Variants in SNX30 observed in about 807,000 individuals in gnomAD.
SNX30 encodes the protein sorting nexin-30.
A neutral mutation model predicts 46.4 loss-of-function variants in SNX30; 24 were observed. The ratio of observed to expected loss-of-function variants is 0.52; its 90% CI spans 0.37 to 0.73. SNX30 has a LOEUF of 0.73. Among genes scored for constraint, SNX30 ranks in the 30% least tolerant of loss-of-function variants. SNX30 has a pLI of 0.00. For missense variants in SNX30, 533 were observed against 555.7 expected, an observed-to-expected ratio of 0.96 and a Z score of 0.41; for synonymous variants, 189 against 211.5, an observed-to-expected ratio of 0.89 and a Z score of 0.92.
intron 2 of SNX30, among the ~76,000 whole-genome samples, chr9:112,808,964 A>G (rs1281989040): frequency 1.3e-5 from 2 of 152,242 alleles, no homozygotes; most frequent in Admixed American, 6.5e-5. Context: ...TGAGAGACAG[A>G]GATGTTAAGA....
chr9:112,835,507 G>A (rs1840738679), intron 4 of SNX30, among the ~76,000 whole-genome samples: 1 of 150,170 alleles, frequency 6.7e-6, no homozygotes, highest in Non-Finnish European at 1.5e-5. Context: ...AGTAGAGACA[G>A]GGTTTCACCA....
At chr9:112,844,938 A>G (rs1011001593) in intron 6 of SNX30, among the ~76,000 whole-genome samples, 16 of 152,236 alleles carry the variant, frequency 1.1e-4, no homozygotes, top group African/African-American at 3.9e-4. Context: ...TGCCTTTCCA[A>G]AACTGAAATG....
At position 112,830,781 on chromosome 9, in the gene SNX30, T is replaced by G; in HGVS notation, c.516T>G (p.Phe172Leu). ...TTGTGGATCGTTTTTCAGAAGAGTT[T>G]GTGGAGACCAGAAGAAAAGCTTTGG... is the stretch of plus-strand genomic sequence containing the variant. ...KGVVDRFSEE[F>L]VETRRKALDK... The change falls in exon 4 of 9, where the codon TTT (phenylalanine) becomes TTG (leucine). Residue 172 changes from phenylalanine to leucine, a missense_variant. This residue lies in a region of SNX30 where 81 missense variants were observed against 124.4 expected (regional missense o/e 0.65). Transcript: ENST00000374232. The G allele has an allele frequency of 1.2e-6, 2 of 1,614,098 alleles. No homozygotes were observed. Among genetic ancestry groups the G allele is most frequent in the Non-Finnish European group, 1.7e-6 (2 of 1,179,986 alleles).
At chr9:112,864,185 A>G in intron 7 of SNX30, 62 bp from the exon 8 acceptor site, 1 of 1,553,210 alleles carries the variant, frequency 6.4e-7, no homozygotes, top group Non-Finnish European at 8.9e-7. Flanking sequence ...TGCTCAGAGG[A>G]GCTCAAGGCA....
chr9:112,838,028 C>T (rs1023256788), intron 5 of SNX30, among the ~76,000 whole-genome samples: 2 of 151,082 alleles, frequency 1.3e-5, no homozygotes, highest in South Asian at 4.2e-4. Context: ...GTAGTTGGGA[C>T]TATAGGCGCC....
intron 6 of SNX30, among the ~76,000 whole-genome samples, chr9:112,842,005 A>T (rs1840867731): frequency 6.6e-6 from 1 of 152,126 alleles, no homozygotes; most frequent in African/African-American, 2.4e-5. Context: ...GTGCAGTGGC[A>T]CGATCTTGGC....
At chr9:112,756,833 C>T (rs1027588992) in intron 1 of SNX30, among the ~76,000 whole-genome samples, 1 of 152,190 alleles carries the variant, frequency 6.6e-6, no homozygotes, top group African/African-American at 2.4e-5. Context: ...AGAAGCATTC[C>T]AGCTCTGAAA....
chr9:112,767,136 TG>T (rs1285885193), intron 1 of SNX30, among the ~76,000 whole-genome samples: 2 of 151,300 alleles, frequency 1.3e-5, no homozygotes, highest in African/African-American at 4.9e-5. Flanking sequence ...TTTTTTTTTT[TG>T]ATAGTAGTTA....
Position 112,809,655 on chromosome 9 carries a change from G to T in SNX30, c.348+4688G>T, listed in dbSNP as rs571639167. Among the ~76,000 whole-genome samples the T allele has an allele frequency of 8.2e-4, 125 of 152,252 alleles. 1 individual carries two copies. The highest frequency in any genetic ancestry group is 2.8e-3 in the African/African-American group (118 of 41,556). On this transcript the variant is annotated intron_variant, in intron 2 of 8. Coordinates refer to ENST00000374232, the MANE Select transcript of SNX30 (RefSeq NM_001012994.2). ...AACAGAGTCTAAATGCTGCTCCGAGGCTGAATTATGTACAATGCAAAGTGG... is the reference window on the plus strand; with the variant it reads ...AACAGAGTCTAAATGCTGCTCCGAGTCTGAATTATGTACAATGCAAAGTGG...
At chr9:112,774,047 A>G (rs1839697819) in intron 1 of SNX30, among the ~76,000 whole-genome samples, 1 of 152,240 alleles carries the variant, frequency 6.6e-6, no homozygotes, top group Non-Finnish European at 1.5e-5. Context: ...CCCAGAGGAA[A>G]TGGATGAGAG....
intron 2 of SNX30, among the ~76,000 whole-genome samples, chr9:112,809,808 A>G (rs540899647): frequency 2.0e-5 from 3 of 152,080 alleles, no homozygotes; most frequent in South Asian, 2.1e-4. Flanking sequence ...AATTCTGGCA[A>G]TGAAAACAAG....
chr9:112,855,280 C>T (rs746649671), intron 7 of SNX30, among the ~76,000 whole-genome samples: 1 of 152,024 alleles, frequency 6.6e-6, no homozygotes, highest in African/African-American at 2.4e-5. Context: ...CCCAGGGCCT[C>T]GGCTAGGTCT....
rs372212819 is a variant in SNX30, at chr9:112,766,053, C to T, written c.156+14896C>T. ...TCCTGACCTCGTAATCCACCTGCCT[C>T]GGCCTCCCAAAGTGCTGGGATTACG... On this transcript the variant is annotated intron_variant, in intron 1 of 8. Coordinates refer to ENST00000374232, the MANE Select transcript of SNX30 (RefSeq NM_001012994.2). 1.3e-4 allele frequency among the ~76,000 whole-genome samples: 20 copies of T among 152,182 alleles called. No homozygotes were observed. The East Asian group carries it at 3.5e-3, about 26-fold the overall frequency.
At chr9:112,793,937 G>A (rs1444726608) in intron 1 of SNX30, among the ~76,000 whole-genome samples, 1 of 151,804 alleles carries the variant, frequency 6.6e-6, no homozygotes, top group Non-Finnish European at 1.5e-5. Context: ...AAACAAGTGT[G>A]TCACATTACA....
chr9:112,847,161 T>C (rs569173582), intron 6 of SNX30, among the ~76,000 whole-genome samples: 19 of 152,244 alleles, frequency 1.2e-4, no homozygotes, highest in East Asian at 5.8e-4. Context: ...ATGACAGATA[T>C]TGTGTTTCTA....
intron 1 of SNX30, among the ~76,000 whole-genome samples, chr9:112,798,107 G>GTT (rs58014041): frequency 4.7e-4 from 38 of 81,024 alleles, no homozygotes; most frequent in African/African-American, 5.7e-4. Flanking sequence ...GTTGAGGTTT[G>GTT]TTTTTTTTTT....
At chr9:112,760,214 A>G (rs117818713) in intron 1 of SNX30, among the ~76,000 whole-genome samples, 1,749 of 152,234 alleles carry the variant, frequency 0.011, 22 homozygotes, top group Middle Eastern at 0.021. Context: ...GGCGAAGTTA[A>G]GTAGAACCCA....
intron 1 of SNX30, among the ~76,000 whole-genome samples, chr9:112,790,194 T>A (rs2131386530): frequency 6.6e-6 from 1 of 152,330 alleles, no homozygotes; most frequent in African/African-American, 2.4e-5. Flanking sequence ...TAAGATACAT[T>A]TGAATAACTC....
At chr9:112,751,518 A>G (rs1839276426) in intron 1 of SNX30, among the ~76,000 whole-genome samples, 1 of 152,162 alleles carries the variant, frequency 6.6e-6, no homozygotes, top group African/African-American at 2.4e-5. Context: ...GCTGCTGCAT[A>G]ACTTGTAGCT....
Sources: gnomAD v4.1 joint callset for allele counts (sites outside exome capture counted in the v4.1 genomes callset) on GRCh38, gnomAD v4.1.1 for gene constraint, gnomAD v4.1.1 regional missense constraint, MANE v1.5 for transcripts, NCBI Gene and HGNC (gene_info 2026-07-23, HGNC 2026-07-21) for gene names.